Variants in PHAF1 observed in about 807,000 individuals in gnomAD.
PHAF1 encodes phagophore assembly factor 1, also known as phagosome assembly factor 1.
A neutral mutation model predicts 63.1 loss-of-function variants in PHAF1; 23 were observed. The observed-to-expected ratio is 0.36, with a 90% CI of 0.26 to 0.52. The LOEUF (loss-of-function observed/expected upper bound fraction) is 0.52, where lower values mean the gene tolerates loss of function less well. Among genes scored for constraint, PHAF1 ranks in the 20% least tolerant of loss-of-function variants. The probability of loss-of-function intolerance (pLI) is 0.93; values close to 1 mark genes in which losing one functional copy is unlikely to be tolerated. For synonymous variants in PHAF1, 167 were observed against 185.0 expected (o/e 0.90, Z 0.79); for missense variants, 427 against 517.2 (o/e 0.83, Z 1.69).
Position 67,140,056 on chromosome 16 carries a change from G to A in PHAF1, c.734G>A (p.Cys245Tyr). The change falls in exon 9 of 16, where the codon TGC (cysteine) becomes TAC (tyrosine). Residue 245 changes from cysteine to tyrosine, a missense_variant. Cys to Tyr is a radical substitution (Grantham distance 194, BLOSUM62 -2). Transcript: ENST00000219139. ...CGTTCAGTGTATTTTGGTGATTCCT[G>A]CCAAGATGTTCTTAGCATGCTTGGC... ...FERSVYFGDS[C>Y]QDVLSMLGSP... 6.2e-7 allele frequency: 1 copy of A among 1,614,038 alleles called. No individual in the cohort carries two copies. The highest frequency in any genetic ancestry group is 8.5e-7 in the Non-Finnish European group (1 of 1,179,994).
At chr16:67,139,746 G>T in intron 8 of PHAF1, 1 of 513,616 alleles carries the variant, frequency 1.9e-6, no homozygotes, top group Non-Finnish European at 3.4e-6. Context: ...ATAAGTGAAT[G>T]AAGTATCCAG....
chr16:67,140,595 G>C lies in PHAF1; in HGVS notation c.879+1G>C. On this transcript the variant is annotated splice_donor_variant, in intron 10 of 15. Coordinates refer to ENST00000219139, the MANE Select transcript of PHAF1 (RefSeq NM_025187.5). LOFTEE classifies it high-confidence loss of function. Reference sequence around the variant, plus strand: ...TTTTAACTACTTCACTCTTGGAGTGGTAAGTTGTGATTCCTCAGAGAAGCC... The same window carrying C: ...TTTTAACTACTTCACTCTTGGAGTGCTAAGTTGTGATTCCTCAGAGAAGCC... 3 of 1,577,160 alleles carry C rather than the reference G, an allele frequency of 1.9e-6. No homozygotes were observed. Among genetic ancestry groups the C allele is most frequent in the Non-Finnish European group, 2.6e-6 (3 of 1,146,394 alleles).
At chr16:67,126,595 G>GTTTTTTTTTTTT (rs60445297) in intron 3 of PHAF1, among the ~76,000 whole-genome samples, 1 of 134,206 alleles carries the variant, frequency 7.5e-6, no homozygotes, top group African/African-American at 2.8e-5. Context: ...TTTGTTTTTG[G>GTTTTTTTTTTTT]TTTTTTTTTT....
chr16:67,122,326 G>A (rs951761605), intron 2 of PHAF1, among the ~76,000 whole-genome samples: 1 of 152,096 alleles, frequency 6.6e-6, no homozygotes, highest in Non-Finnish European at 1.5e-5. Context: ...GCAAATATGG[G>A]TTTGACCAGG....
chr16:67,110,697 CT>C (rs1962477837), intron 1 of PHAF1, among the ~76,000 whole-genome samples: 1 of 152,236 alleles, frequency 6.6e-6, no homozygotes, highest in Non-Finnish European at 1.5e-5. Flanking sequence ...CTGTGGCTTC[CT>C]TCCCCTTTTT....
chr16:67,131,066 A>G (rs1963373509), intron 3 of PHAF1, among the ~76,000 whole-genome samples: 1 of 152,180 alleles, frequency 6.6e-6, no homozygotes, highest in East Asian at 1.9e-4. Flanking sequence ...CAGCCTGGGC[A>G]ACATAGTTTT....
At chr16:67,127,348 C>A (rs1162388381) in intron 3 of PHAF1, among the ~76,000 whole-genome samples, 2 of 152,164 alleles carry the variant, frequency 1.3e-5, no homozygotes, top group Non-Finnish European at 2.9e-5. Flanking sequence ...CTTACCAGTT[C>A]TCATCATCCT....
chr16:67,121,465 G>A (rs1396279144), intron 2 of PHAF1, among the ~76,000 whole-genome samples: 1 of 147,054 alleles, frequency 6.8e-6, no homozygotes, highest in Non-Finnish European at 1.5e-5. Context: ...ACCTCCCAGA[G>A]TGCTGGGATT....
chr16:67,134,834 CCTT>C lies in PHAF1; in HGVS notation c.661+370_661+372del, dbSNP rs1324536000. The stretch of plus-strand genomic sequence containing the variant: ...ATGTAATCACCTCCCAAAGCCCTGA[CCTT>C]CTAATACCATCACCTTGGTGGTTAG... On this transcript the variant is annotated intron_variant, in intron 8 of 15. Transcript: ENST00000219139. 2.0e-5 allele frequency: 8 copies of C among 404,618 alleles called. No individual in the cohort carries two copies. In the East Asian group the frequency reaches 4.8e-4, roughly 24 times the overall value. 25.1% of individuals were successfully genotyped at this position (404,618 alleles called of 1,614,324 possible). A position where few individuals can be genotyped will look rare whatever the true frequency, so the allele number is the denominator to read the frequency against.
intron 2 of PHAF1, 129 bp downstream of exon 2, chr16:67,120,323 C>T: frequency 1.3e-6 from 1 of 783,184 alleles, no homozygotes; most frequent in Admixed American, 2.7e-5. Context: ...CTAGCACCAG[C>T]CAGTTATCAA....
chr16:67,112,873 T>C (rs28522202), intron 1 of PHAF1, among the ~76,000 whole-genome samples: 2,227 of 152,322 alleles, frequency 0.015, 73 homozygotes, highest in African/African-American at 0.051. Context: ...AATTTAACTT[T>C]ATCAGACTTT....
chr16:67,115,225 G>A (rs1962690816), intron 1 of PHAF1, among the ~76,000 whole-genome samples: 1 of 152,206 alleles, frequency 6.6e-6, no homozygotes, highest in South Asian at 2.1e-4. Context: ...GTGCTGGGAG[G>A]TATTGAGGTG....
chr16:67,122,658 G>T (rs1221178432), intron 2 of PHAF1, among the ~76,000 whole-genome samples: 1 of 151,930 alleles, frequency 6.6e-6, no homozygotes, highest in African/African-American at 2.4e-5. Context: ...GAGAGTTGTG[G>T]CATATTAATA....
chr16:67,133,511 A>C (rs1443502401), intron 6 of PHAF1, among the ~76,000 whole-genome samples: 2 of 151,054 alleles, frequency 1.3e-5, no homozygotes, highest in African/African-American at 4.9e-5. Context: ...TAAAAAAAAA[A>C]AAAAAAAAAA....
At position 67,147,056 on chromosome 16, in the gene PHAF1, C is replaced by A; in HGVS notation, c.1194C>A (p.Asn398Lys). Residue 398 changes from asparagine to lysine, a missense_variant, in exon 16 of 16, where the codon AAC (asparagine) becomes AAA (lysine). Physicochemically the swap from Asn to Lys is moderately conservative, Grantham distance 94 (BLOSUM62 0). Transcript: ENST00000219139. ...TCTTCTCACACCAGGTCATGCAGAACAACCACATTGCCTCGGTGACCCTGT... is the reference window on the plus strand; with the variant it reads ...TCTTCTCACACCAGGTCATGCAGAAAAACCACATTGCCTCGGTGACCCTGT... ...LQRMIFEVMQ[N>K]NHIASVTLYG... 1.2e-6 allele frequency: 2 copies of A among 1,613,952 alleles called. No homozygotes were observed. Among genetic ancestry groups the A allele is most frequent in the Non-Finnish European group, 1.7e-6 (2 of 1,179,864 alleles).
In PHAF1 at chr16:67,132,463, C is replaced by A. The variant is rs776122798; in HGVS notation, c.293C>A (p.Ser98Tyr). The change falls in exon 5 of 16, where the codon TCT (serine) becomes TAT (tyrosine). Residue 98 changes from serine to tyrosine, a missense_variant. By Grantham distance (144) the Ser-to-Tyr change is moderately radical. Transcript: ENST00000219139. ...TTTTTCAGTGGCGTGCATTTTAATT[C>A]TCAGGCCATAGCTCCTACCATTGAA... ...KLKYCGVHFN[S>Y]QAIAPTIEQI... The A allele has an allele frequency of 1.2e-6, 2 of 1,604,650 alleles. No homozygotes were observed. The highest frequency in any genetic ancestry group is 1.7e-6 in the Non-Finnish European group (2 of 1,174,260).
At chr16:67,134,667 A>G (rs1018305944) in intron 8 of PHAF1, 200 bp downstream of exon 8, 8 of 675,082 alleles carry the variant, frequency 1.2e-5, no homozygotes, top group African/African-American at 8.8e-5. Flanking sequence ...GCACTGGCAG[A>G]TTCAGTATCT....
At chr16:67,137,105 A>T (rs1963637579) in intron 8 of PHAF1, among the ~76,000 whole-genome samples, 1 of 151,706 alleles carries the variant, frequency 6.6e-6, no homozygotes, top group Admixed American at 6.6e-5. Flanking sequence ...CAGTGAGCCG[A>T]GATAGCGCCA....
chr16:67,130,887 G>A (rs1963366243), intron 3 of PHAF1, among the ~76,000 whole-genome samples: 1 of 152,192 alleles, frequency 6.6e-6, no homozygotes, highest in South Asian at 2.1e-4. Flanking sequence ...GGAGAGGGAA[G>A]CTAAGAGGTT....
Sources: gnomAD v4.1 joint callset for allele counts (sites outside exome capture counted in the v4.1 genomes callset) on GRCh38, gnomAD v4.1.1 for gene constraint, MANE v1.5 for transcripts, NCBI Gene and HGNC (gene_info 2026-07-23, HGNC 2026-07-21) for gene names.